Variants in ZNF721 observed in about 807,000 individuals in gnomAD.
ZNF721 encodes the protein zinc finger protein 721.
In ZNF721, 2 loss-of-function variants were observed where a neutral mutation model predicts 2.4. That is an observed-to-expected ratio of 0.82 (90% confidence interval 0.34 to 2.58). The LOEUF is 2.58. Among genes scored for constraint, ZNF721 ranks in the 30% most tolerant of loss-of-function variants. ZNF721 has a pLI of 0.11. For synonymous variants in ZNF721, 398 were observed against 381.8 expected (o/e 1.04, Z -0.50); for missense variants, 1,187 against 1,085.5 (o/e 1.09, Z -1.31).
Position 441,637 on chromosome 4 carries a change from A to G in ZNF721, c.*58T>C. On this transcript the variant is annotated 3_prime_UTR_variant, in exon 3 of 3. Coordinates refer to ENST00000511833, the MANE Select transcript of ZNF721 (RefSeq NM_133474.4). ...CACCTTCGTAAGACATTCCCCTGGT[A>G]TGAGTTCTCTTATGTTTAAGAATGC... The G allele has an allele frequency of 7.2e-7, 1 of 1,396,738 alleles. No homozygotes were observed. 86.5% of individuals were successfully genotyped at this position (1,396,738 alleles called of 1,614,324 possible). A position where few individuals can be genotyped will look rare whatever the true frequency, so the allele number is the denominator to read the frequency against.
chr4:441,399 G>T lies in ZNF721; in HGVS notation c.*296C>A. 1 of 248,536 alleles carries T rather than the reference G, an allele frequency of 4.0e-6. No homozygotes were observed. The highest frequency in any genetic ancestry group is 7.7e-6 in the Non-Finnish European group (1 of 129,692). The allele number at this position is 248,536 out of a possible 1,614,324, so 15.4% of individuals were successfully genotyped here. On this transcript the variant is annotated 3_prime_UTR_variant, in exon 3 of 3. Transcript: ENST00000511833. ...TATTTCCAGGTGTTTTCTTCAGTAG[G>T]AATTACATTAAGAACTGACTAGAAT...
chr4:472,799 T>C (rs1715480038), intron 1 of ZNF721, 98 bp from the exon 2 acceptor site: 4 of 1,514,458 alleles, frequency 2.6e-6, no homozygotes, highest in Non-Finnish European at 2.7e-6. Flanking sequence ...ACTGGGATTA[T>C]CTGATAAAAC....
intron 1 of ZNF721, among the ~76,000 whole-genome samples, chr4:477,825 C>T (rs114229872): frequency 3.9e-3 from 591 of 152,182 alleles, no homozygotes; most frequent in Middle Eastern, 6.8e-3. Flanking sequence ...TGGATTTGAC[C>T]GCTATATGAC....
intron 2 of ZNF721, among the ~76,000 whole-genome samples, chr4:469,279 T>C (rs1200188092): frequency 1.3e-5 from 2 of 150,586 alleles, no homozygotes; most frequent in African/African-American, 2.5e-5. Flanking sequence ...AACAACAAAA[T>C]TTCCCAAAAA....
At chr4:476,323 G>T (rs1715622409) in intron 1 of ZNF721, among the ~76,000 whole-genome samples, 1 of 152,204 alleles carries the variant, frequency 6.6e-6, no homozygotes, top group Non-Finnish European at 1.5e-5. Context: ...TGTATTGGCA[G>T]AATATCATAT....
In ZNF721 at chr4:441,885, C is replaced by T. The variant is rs1258406189; in HGVS notation, c.2582G>A (p.Gly861Glu). ...ILYVHRRIHT[G>E]EKPYTCGECG... ...TTCTCCACATGTGTAGGGTTTCTCT[C>T]CAGTATGAATTCTCCTATGTACATA... Residue 861 changes from glycine to glutamate, a missense_variant, in exon 3 of 3, where the codon GGA becomes GAA. Transcript: ENST00000511833. 1 of 1,613,814 alleles carries T rather than the reference C, an allele frequency of 6.2e-7. No individual in the cohort carries two copies.
At chr4:460,715 GAAGAA>G (rs1213444202) in intron 2 of ZNF721, among the ~76,000 whole-genome samples, 1 of 150,350 alleles carries the variant, frequency 6.7e-6, no homozygotes, top group African/African-American at 2.4e-5. Context: ...CACTACCAAA[GAAGAA>G]AAGAGAGAAG....
rs1553862848 is a variant in ZNF721 at position 440,012 on chromosome 4, T to G, written c.*1683A>C. The stretch of plus-strand genomic sequence containing the variant: ...ATTTTAACACAATAACAATTTTTAT[T>G]TCAAAAATTAAGTTCACACATTATC... On this transcript the variant is annotated 3_prime_UTR_variant, in exon 3 of 3. Transcript: ENST00000511833. 1 of 152,014 alleles carries G rather than the reference T, an allele frequency of 6.6e-6. No homozygotes were observed. The highest frequency in any genetic ancestry group is 1.5e-5 in the Non-Finnish European group (1 of 68,044). The allele number at this position is 152,014 out of a possible 1,614,324, so 9.4% of individuals were successfully genotyped here. A position where few individuals can be genotyped will look rare whatever the true frequency, so the allele number is the denominator to read the frequency against.
In ZNF721 at chr4:493,881, T is replaced by C. The variant is rs552679294; in HGVS notation, c.-94+5175A>G. Among the ~76,000 whole-genome samples the C allele has an allele frequency of 3.2e-3, 481 of 152,294 alleles. 1 individual carries two copies. Among genetic ancestry groups the C allele is most frequent in the African/African-American group, 0.011 (463 of 41,560 alleles). On this transcript the variant is annotated intron_variant, in intron 1 of 2. Coordinates refer to ENST00000511833, the MANE Select transcript of ZNF721 (RefSeq NM_133474.4). ...ACTTATAGTATTTGGCAGGGATAATTATAAAATTGCTTGATTAATAAATGC... is the reference window on the plus strand; with the variant it reads ...ACTTATAGTATTTGGCAGGGATAATCATAAAATTGCTTGATTAATAAATGC...
chr4:455,373 T>C (rs1233236463), intron 2 of ZNF721, among the ~76,000 whole-genome samples: 1 of 152,012 alleles, frequency 6.6e-6, no homozygotes, highest in African/African-American at 2.4e-5. Flanking sequence ...ATCGAGACCA[T>C]CCTGGCCAAC....
intron 1 of ZNF721, among the ~76,000 whole-genome samples, chr4:496,912 C>T (rs1392199543): frequency 6.6e-6 from 1 of 151,370 alleles, no homozygotes; most frequent in Non-Finnish European, 1.5e-5. Flanking sequence ...TGGGGTTTCA[C>T]CGTGTTAGCC....
At chr4:459,572 G>GT (rs77687562) in intron 2 of ZNF721, among the ~76,000 whole-genome samples, 49,436 of 151,920 alleles carry the variant, frequency 0.33, 8,090 homozygotes, top group Middle Eastern at 0.34. Flanking sequence ...GCTCACACCT[G>GT]TAACTCCCAG....
In ZNF721 at chr4:442,713, T is replaced by C. The variant is rs374507442; in HGVS notation, c.1754A>G (p.Tyr585Cys). The change falls in exon 3 of 3, where the codon TAC (tyrosine) becomes TGC (cysteine). Residue 585 changes from tyrosine to cysteine, a missense_variant. Physicochemically the swap from Tyr to Cys is radical, Grantham distance 194. Transcript: ENST00000511833. ...HRRIHTGEKPYKCEECGKAFG... is the reference protein window; with the variant it reads ...HRRIHTGEKPCKCEECGKAFG... ...GGCTTTGCCACACTCTTCACATTTGTAAGGTTTCTCTCCAGTATGAATTCT... is the reference window on the plus strand; with the variant it reads ...GGCTTTGCCACACTCTTCACATTTGCAAGGTTTCTCTCCAGTATGAATTCT... 77 of 1,614,108 alleles carry C rather than the reference T, an allele frequency of 4.8e-5. No individual in the cohort carries two copies. The highest frequency in any genetic ancestry group is 6.4e-5 in the Non-Finnish European group (75 of 1,180,036).
intron 2 of ZNF721, among the ~76,000 whole-genome samples, chr4:461,013 C>T (rs577990795): frequency 2.0e-5 from 3 of 151,866 alleles, no homozygotes; most frequent in South Asian, 2.1e-4. Context: ...ATTCTACTAA[C>T]GGTACAAAGG....
intron 2 of ZNF721, among the ~76,000 whole-genome samples, chr4:455,515 C>T (rs949622038): frequency 4.6e-5 from 7 of 152,052 alleles, no homozygotes; most frequent in Middle Eastern, 3.4e-3. Flanking sequence ...TGCAGTAAGC[C>T]GAGATCGTGC....
intron 2 of ZNF721, among the ~76,000 whole-genome samples, chr4:455,707 G>A: frequency 6.6e-6 from 1 of 152,000 alleles, no homozygotes; most frequent in East Asian, 1.9e-4. Context: ...AAGTAAAATG[G>A]TGTTCTTCAA....
rs200149619 is a variant in ZNF721, at chr4:442,315, C to T, written c.2152G>A (p.Val718Ile). Residue 718 changes from valine to isoleucine, a missense_variant, in exon 3 of 3, where the codon GTT (valine) becomes ATT (isoleucine). By Grantham distance (29) the Val-to-Ile change is conservative. Coordinates refer to ENST00000511833, the MANE Select transcript of ZNF721 (RefSeq NM_133474.4). ...TTGTAGGGTTTCTCCCTAGTGTGAA[C>T]TCTCCTATGTGTAGTAAGGTTTCTT... Reference protein sequence around the residue: ...RSRNLTTHRRVHTREKPYKCE... With the variant: ...RSRNLTTHRRIHTREKPYKCE... 2.4e-5 allele frequency: 38 copies of T among 1,612,840 alleles called. No homozygotes were observed. The highest frequency in any genetic ancestry group is 3.1e-5 in the Non-Finnish European group (36 of 1,179,386).
In ZNF721 at chr4:441,718, C is replaced by T. The variant is rs1553863119; in HGVS notation, c.2749G>A (p.Gly917Arg). ...CTTTACACTTGTATGGTTTTATCTC[C>T]AGTATGAATTTTCTTATGTGCATAA... Reference protein sequence around the residue: ...NLYAHKKIHTGDKTIQV With the variant: ...NLYAHKKIHTRDKTIQV Residue 917 changes from glycine to arginine, a missense_variant, in exon 3 of 3, where the codon GGA (glycine) becomes AGA (arginine). Transcript: ENST00000511833. 6 of 1,610,820 alleles carry T rather than the reference C, an allele frequency of 3.7e-6. No individual in the cohort carries two copies. Among genetic ancestry groups the T allele is most frequent in the Non-Finnish European group, 5.1e-6 (6 of 1,178,072 alleles).
intron 1 of ZNF721, among the ~76,000 whole-genome samples, chr4:486,565 G>A (rs1386647595): frequency 6.6e-6 from 1 of 152,064 alleles, no homozygotes; most frequent in African/African-American, 2.4e-5. Flanking sequence ...TCTGCTGGTC[G>A]GCTAAATTGC....
Sources: gnomAD v4.1 joint callset for allele counts (sites outside exome capture counted in the v4.1 genomes callset) on GRCh38, gnomAD v4.1.1 for gene constraint, MANE v1.5 for transcripts, NCBI Gene and HGNC (gene_info 2026-07-23, HGNC 2026-07-21) for gene names.